LTBR: variants seen among roughly 807,000 people sequenced by gnomAD.
LTBR encodes the protein lymphotoxin beta receptor, also known as tumor necrosis factor receptor superfamily member 3.
Under a neutral mutation model 45.4 loss-of-function variants are expected in LTBR, and 15 were observed. That is an observed-to-expected ratio of 0.33 (90% CI 0.22 to 0.51). The LOEUF (loss-of-function observed/expected upper bound fraction) is 0.51, where lower values mean the gene tolerates loss of function less well. LTBR is among the 20% of genes least tolerant of loss of function. The pLI, the probability that LTBR is intolerant of heterozygous loss-of-function variation, is 0.97. For synonymous variants in LTBR, 228 were observed against 231.0 expected, an observed-to-expected ratio of 0.99 and a Z score of 0.12; for missense variants, 450 against 565.5, an observed-to-expected ratio of 0.80 and a Z score of 2.07.
intron 8 of LTBR, 48 bp from the exon 9 acceptor site, chr12:6,390,063 AG>A: frequency 8.2e-7 from 1 of 1,215,762 alleles, no homozygotes; most frequent in Non-Finnish European, 1.2e-6. Flanking sequence ...GAGAGAAAAA[AG>A]GGTCTGGGGC....
chr12:6,385,437 G>C, intron 4 of LTBR, 58 bp downstream of exon 4: 1 of 1,597,178 alleles, frequency 6.3e-7, no homozygotes. Flanking sequence ...GGGATCTCAA[G>C]TGGGAGCAGG....
Position 6,385,215 on chromosome 12 carries a change from T to G in LTBR, c.320-12T>G, listed in dbSNP as rs771565159. ...CTTGGCCCCTCCCTGAGCCCTCCCGTCTCCCCGCCAGTGATGGGCCTCGAG... is the reference window on the plus strand; with the variant it reads ...CTTGGCCCCTCCCTGAGCCCTCCCGGCTCCCCGCCAGTGATGGGCCTCGAG... On this transcript the variant is annotated splice_polypyrimidine_tract_variant and intron_variant, in intron 3 of 9. Coordinates refer to ENST00000228918, the MANE Select transcript of LTBR (RefSeq NM_002342.3). The G allele has an allele frequency of 6.2e-7, 1 of 1,613,892 alleles. No individual in the cohort carries two copies. Among genetic ancestry groups the G allele is most frequent in the African/African-American group, 1.3e-5 (1 of 74,946 alleles).
intron 2 of LTBR, 32 bp from the exon 3 acceptor site, chr12:6,384,990 C>T (rs1209446884): frequency 6.2e-7 from 1 of 1,613,472 alleles, no homozygotes; most frequent in Admixed American, 1.7e-5. Context: ...AGCCTCGTCT[C>T]CTGAGGCTCT....
At chr12:6,378,615 A>G (rs1948944108) in intron 1 of LTBR, among the ~76,000 whole-genome samples, 1 of 152,138 alleles carries the variant, frequency 6.6e-6, no homozygotes, top group East Asian at 1.9e-4. Flanking sequence ...CCCCTGCTTC[A>G]TGCATGAGGG....
chr12:6,378,116 T>G (rs1330115852), intron 1 of LTBR, among the ~76,000 whole-genome samples: 2 of 152,218 alleles, frequency 1.3e-5, no homozygotes, highest in Non-Finnish European at 2.9e-5. Flanking sequence ...CTTCCCTTAG[T>G]CCCCTTCCTT....
intron 1 of LTBR, 42 bp from the exon 2 acceptor site, chr12:6,384,546 C>G: frequency 5.0e-6 from 8 of 1,610,808 alleles, no homozygotes; most frequent in Non-Finnish European, 5.9e-6. Context: ...CAAGCTGACC[C>G]CTGACTAATT....
At chr12:6,380,265 A>G (rs1416568592), upstream of LTBR, among the ~76,000 whole-genome samples, 1 of 152,166 alleles carries the variant, frequency 6.6e-6, no homozygotes, top group Non-Finnish European at 1.5e-5. Flanking sequence ...AAATGCAAAT[A>G]CTCTGGAAAA....
At position 6,390,339 on chromosome 12, in the gene LTBR, C is replaced by A; in HGVS notation, c.1029C>A (p.His343Gln). 2 of 1,593,096 alleles carry A rather than the reference C, an allele frequency of 1.3e-6. No individual in the cohort carries two copies. Among genetic ancestry groups the A allele is most frequent in the South Asian group, 2.2e-5 (2 of 89,894 alleles). ...CCGGGGAGCAGAGCCAGGTGGCCCA[C>A]GGTGAGCCTGGGGCAGGGAGAAGAG... ...LEPGEQSQVA[H>Q]GTNGIHVTGG... The change falls in exon 9 of 10, where the codon CAC (histidine) becomes CAA (glutamine). Residue 343 changes from histidine (H) to glutamine (Q), a missense_variant and splice_region_variant. Physicochemically the swap from His to Gln is conservative, Grantham distance 24 (BLOSUM62 0). Transcript: ENST00000228918.
At chr12:6,383,217 G>A (rs1440324940), upstream of LTBR, among the ~76,000 whole-genome samples, 3 of 152,126 alleles carry the variant, frequency 2.0e-5, no homozygotes, top group East Asian at 3.9e-4. Flanking sequence ...TTAGGAAGAC[G>A]GAAACTTGGG....
intron 1 of LTBR, among the ~76,000 whole-genome samples, chr12:6,376,897 G>A (rs1948922880): frequency 6.6e-6 from 1 of 152,186 alleles, no homozygotes; most frequent in South Asian, 2.1e-4. Context: ...GGAGGAGATA[G>A]GCCTGCAATA....
chr12:6,382,983 T>C (rs967652461), upstream of LTBR, among the ~76,000 whole-genome samples: 7 of 152,196 alleles, frequency 4.6e-5, no homozygotes, highest in African/African-American at 1.7e-4. Flanking sequence ...TGGCCATCAC[T>C]CATTTATTCC....
chr12:6,377,193 G>C (rs186991007), intron 1 of LTBR: 3 of 1,467,410 alleles, frequency 2.0e-6, no homozygotes, highest in Non-Finnish European at 2.8e-6. Context: ...AGTCTCTTGC[G>C]ACTTCTTAAA....
intron 1 of LTBR, among the ~76,000 whole-genome samples, chr12:6,378,621 G>C (rs551439740): frequency 7.2e-5 from 11 of 152,164 alleles, no homozygotes; most frequent in Non-Finnish European, 1.2e-4. Flanking sequence ...CTTCATGCAT[G>C]AGGGGACTGA....
Position 6,386,067 on chromosome 12 carries a change from T to C in LTBR, c.474T>C (p.Asp158=). Residue 158 remains aspartate, a splice_region_variant and synonymous_variant, in exon 5 of 10, where the codon GAT becomes GAC. Coordinates refer to ENST00000228918, the MANE Select transcript of LTBR (RefSeq NM_002342.3). This position sits in a 1 kb window ranked among gnomAD's most constrained non-coding sequence, Gnocchi z 4.1. ...CPPGTEAELK[D]EVGKGNNHCV... ...GCTGGCCTGCCTTTCTCTTGCCAGA[T>C]GAAGTTGGGAAGGGTAACAACCACT... 2 of 1,612,388 alleles carry C rather than the reference T, an allele frequency of 1.2e-6. No homozygotes were observed. The highest frequency in any genetic ancestry group is 2.2e-5 in the South Asian group (2 of 91,028).
At chr12:6,383,679 T>A (rs535425123), upstream of LTBR, among the ~76,000 whole-genome samples, 93 of 152,230 alleles carry the variant, frequency 6.1e-4, no homozygotes, top group African/African-American at 2.2e-3. Flanking sequence ...GATTTGCTAG[T>A]CCCTTGTAAT....
chr12:6,385,063 G>A lies in LTBR; in HGVS notation c.235G>A (p.Val79Ile). The A allele has an allele frequency of 1.9e-6, 3 of 1,614,238 alleles. No individual in the cohort carries two copies. The highest frequency in any genetic ancestry group is 3.3e-5 in the Admixed American group (2 of 60,026). ...TAAATGTAGCCGCATCCGGGACACAGTTTGTGCCACATGTGCCGAGAATTC... is the reference window on the plus strand; with the variant it reads ...TAAATGTAGCCGCATCCGGGACACAATTTGTGCCACATGTGCCGAGAATTC... ...SAKCSRIRDTVCATCAENSYN... is the reference protein window; with the variant it reads ...SAKCSRIRDTICATCAENSYN... The change falls in exon 3 of 10, where the codon GTT becomes ATT. Residue 79 changes from valine (V) to isoleucine (I), a missense_variant. Coordinates refer to ENST00000228918, the MANE Select transcript of LTBR (RefSeq NM_002342.3).
rs2136929067 is a variant in LTBR, at chr12:6,385,633, G to A, written c.472+254G>A. ...CAAAATGGTAGGCAGTAGGCCGGGTGTGGTGGCCCACGCCTGTAATCCCAG... is the reference window on the plus strand; with the variant it reads ...CAAAATGGTAGGCAGTAGGCCGGGTATGGTGGCCCACGCCTGTAATCCCAG... On this transcript the variant is annotated intron_variant, in intron 4 of 9. Transcript: ENST00000228918. 7.5e-6 allele frequency: 4 copies of A among 533,002 alleles called. No individual in the cohort carries two copies. In the East Asian group the frequency reaches 1.0e-4, roughly 13 times the overall value. The allele number at this position is 533,002 out of a possible 1,614,324, so 33.0% of individuals were successfully genotyped here.
At chr12:6,382,403 G>A (rs1243188561), upstream of LTBR, among the ~76,000 whole-genome samples, 1 of 152,124 alleles carries the variant, frequency 6.6e-6, no homozygotes, top group Non-Finnish European at 1.5e-5. Flanking sequence ...ATATTATCTT[G>A]CATGTGGAAT....
chr12:6,390,838 C>A lies in LTBR; in HGVS notation c.1209C>A (p.His403Gln). ...DPGPPGLSTP[H>Q]QEDGKAWHLA... is the part of the protein sequence containing the mutation. ...GCCCTCCCGGGCTCTCTACACCCCA[C>A]CAGGAAGATGGCAAGGCTTGGCACC... Residue 403 changes from histidine (H) to glutamine (Q), a missense_variant, in exon 10 of 10, where the codon CAC (histidine) becomes CAA (glutamine). Transcript: ENST00000228918. 6.2e-7 allele frequency: 1 copy of A among 1,611,826 alleles called. No individual in the cohort carries two copies. The highest frequency in any genetic ancestry group is 8.5e-7 in the Non-Finnish European group (1 of 1,178,768).
Sources: allele counts gnomAD v4.1 joint callset (sites outside exome capture counted in the v4.1 genomes callset), GRCh38; gene constraint gnomAD v4.1.1; non-coding constraint Gnocchi (gnomAD v3.1); transcripts MANE v1.5; gene names NCBI Gene and HGNC (gene_info 2026-07-23, HGNC 2026-07-21).